SLC7A10: variants seen among roughly 807,000 people sequenced by gnomAD.
SLC7A10 encodes the protein solute carrier family 7 member 10, also known as asc-type amino acid transporter 1.
A neutral mutation model predicts 52.7 loss-of-function variants in SLC7A10; 30 were observed. The observed-to-expected ratio is 0.57, with a 90% confidence interval of 0.43 to 0.77. The LOEUF is 0.77. SLC7A10 is among the 30% of genes least tolerant of loss of function. The pLI is 0.00. For synonymous variants in SLC7A10, 318 were observed against 314.9 expected (o/e 1.01, Z -0.10); for missense variants, 581 against 698.5 (o/e 0.83, Z 1.90).
chr19:33,213,371 C>A (rs1390483787), intron 2 of SLC7A10, among the ~76,000 whole-genome samples: 8 of 151,964 alleles, frequency 5.3e-5, no homozygotes, highest in South Asian at 4.1e-4. Context: ...TCACTGCAAC[C>A]TCCACCTCTC....
intron 2 of SLC7A10, 132 bp from the exon 3 acceptor site, chr19:33,213,134 C>G: frequency 8.2e-7 from 1 of 1,214,412 alleles, no homozygotes; most frequent in Non-Finnish European, 1.2e-6. Flanking sequence ...AGGCCAGCAC[C>G]GGTCCAGGGA....
At position 33,208,829 on chromosome 19, in the gene SLC7A10, A is replaced by C. The variant is rs1974466088; in HGVS notation, c.*62T>G. ...AAAAACAAAACAAAACTTTTTTGCC[A>C]AAACACCTCCTCAATAAACAACATG... On this transcript the variant is annotated 3_prime_UTR_variant, in exon 11 of 11. Transcript: ENST00000253188. This position sits in a 1 kb window ranked among gnomAD's most constrained non-coding sequence, Gnocchi z 4.7. 1.2e-6 allele frequency: 2 copies of C among 1,608,808 alleles called. No individual in the cohort carries two copies. Among genetic ancestry groups the C allele is most frequent in the African/African-American group, 1.3e-5 (1 of 74,808 alleles).
In SLC7A10 at chr19:33,209,393, G is replaced by A. The variant is rs573688927; in HGVS notation, c.1356C>T (p.Gly452=). The A allele has an allele frequency of 1.7e-5, 27 of 1,614,028 alleles. No homozygotes were observed. Among genetic ancestry groups the A allele is most frequent in the South Asian group, 4.4e-5 (4 of 91,070 alleles). Reference sequence around the variant, plus strand: ...GCACCCCCGTAAGGATGATGATGACGCCGACCCCACAGACCATAGGCTCTG... The same window carrying A: ...GCACCCCCGTAAGGATGATGATGACACCGACCCCACAGACCATAGGCTCTG... ...FISEPMVCGV[G]VIIILTGVPI... The change falls in exon 10 of 11, where the codon GGC becomes GGT. Residue 452 remains glycine (G), a synonymous_variant. Transcript: ENST00000253188.
At chr19:33,215,063 C>T (rs1467656731) in intron 2 of SLC7A10, among the ~76,000 whole-genome samples, 1 of 152,026 alleles carries the variant, frequency 6.6e-6, no homozygotes. Flanking sequence ...GTCAGGAGTT[C>T]AAGACCAGCC....
intron 2 of SLC7A10, 127 bp downstream of exon 2, chr19:33,215,642 T>TTCTCTCCATCCACCCCCCCCACCC: frequency 2.1e-6 from 1 of 486,796 alleles, no homozygotes; most frequent in South Asian, 3.9e-5. Context: ...CCCCCACACC[T>TTCTCTCCATCCACCCCCCCCACCC]TCTCTCCATC....
intron 2 of SLC7A10, 126 bp downstream of exon 2, chr19:33,215,643 T>TCTCTCCATCCAGCCCCCACACCTG: frequency 4.9e-6 from 2 of 405,466 alleles, no homozygotes; most frequent in Non-Finnish European, 6.9e-6. Flanking sequence ...CCCCACACCT[T>TCTCTCCATCCAGCCCCCACACCTG]CTCTCCATCC....
At chr19:33,211,169 G>A in intron 7 of SLC7A10, 56 bp downstream of exon 7, 1 of 1,532,282 alleles carries the variant, frequency 6.5e-7, no homozygotes. Context: ...CATGACTGGT[G>A]CACACCTGCA....
At chr19:33,223,943 T>TCACCACCACCACCACCACCACCACCAC (rs80120440) in intron 1 of SLC7A10, among the ~76,000 whole-genome samples, 1 of 147,108 alleles carries the variant, frequency 6.8e-6, no homozygotes, top group South Asian at 2.2e-4. Flanking sequence ...ACCTCTACCA[T>TCACCACCACCACCACCACCACCACCAC]CACCACCACC....
At chr19:33,224,629 C>A (rs1432055782) in intron 1 of SLC7A10, among the ~76,000 whole-genome samples, 3 of 152,074 alleles carry the variant, frequency 2.0e-5, no homozygotes, top group Non-Finnish European at 2.9e-5. Context: ...ACAGTCGAGG[C>A]CCCAGTCACT....
rs755013545 is a variant in SLC7A10, at chr19:33,211,278, G to A, written c.963C>T (p.Ser321=). Residue 321 remains serine, a synonymous_variant, in exon 7 of 11, where the codon TCC becomes TCT. Coordinates refer to ENST00000253188, the MANE Select transcript of SLC7A10 (RefSeq NM_019849.3). The stretch of plus-strand genomic sequence containing the variant: ...TCCCTCCGAAGGTTGACAGAGCCAC[G>A]GAGACAGGCATGACCCAAGAAAAGT... ...LGYFSWVMPV[S]VALSTFGGIN... 39 of 1,614,020 alleles carry A rather than the reference G, an allele frequency of 2.4e-5. No individual in the cohort carries two copies. In the Middle Eastern group the frequency reaches 2.5e-3, roughly 102 times the overall value.
chr19:33,213,172 C>T (rs564200809), intron 2 of SLC7A10, among the ~76,000 whole-genome samples, 170 bp from the exon 3 acceptor site: 15 of 152,300 alleles, frequency 9.8e-5, no homozygotes, highest in Non-Finnish European at 1.8e-4. Context: ...TGAGGTCTTG[C>T]GGCTGCATTG....
At chr19:33,215,602 A>G (rs1974656449) in intron 2 of SLC7A10, among the ~76,000 whole-genome samples, 167 bp downstream of exon 2, 1 of 108,050 alleles carries the variant, frequency 9.3e-6, no homozygotes, top group African/African-American at 3.6e-5. Flanking sequence ...CCTTCTCTCC[A>G]TCCAGCCCCC....
intron 1 of SLC7A10, among the ~76,000 whole-genome samples, chr19:33,218,956 C>T (rs1204206505): frequency 4.0e-5 from 6 of 151,772 alleles, no homozygotes; most frequent in Non-Finnish European, 2.9e-5. Context: ...GAAGCCCAGC[C>T]GTTGGGGGAA....
chr19:33,220,888 A>G (rs530959024), intron 1 of SLC7A10: 2 of 152,232 alleles, frequency 1.3e-5, no homozygotes, highest in Admixed American at 6.5e-5. Flanking sequence ...TTCCATCACA[A>G]ATCCTTCGGC....
chr19:33,220,597 T>TAGAC (rs1974792815), intron 1 of SLC7A10, among the ~76,000 whole-genome samples: 1 of 152,164 alleles, frequency 6.6e-6, no homozygotes, highest in Non-Finnish European at 1.5e-5. Flanking sequence ...GATAGATAGA[T>TAGAC]AGACCTCATC....
chr19:33,215,957 C>T lies in SLC7A10; in HGVS notation c.168G>A (p.Ser56=), dbSNP rs116650022. 1,558 of 1,577,640 alleles carry T rather than the reference C, an allele frequency of 9.9e-4. 7 individuals carry two copies. The highest frequency in any genetic ancestry group is 8.7e-3 in the African/African-American group (644 of 74,252). ...CCCCCTTGGGCGAGATGAAGATGCC[C>T]GAGCCGATGATGTTCCCTGCAGGGG... The part of the protein sequence containing the change: ...CTIIIGNIIG[S]GIFISPKGVL... Residue 56 remains serine, a synonymous_variant, in exon 2 of 11, where the codon TCG becomes TCA. Coordinates refer to ENST00000253188, the MANE Select transcript of SLC7A10 (RefSeq NM_019849.3).
intron 2 of SLC7A10, among the ~76,000 whole-genome samples, 162 bp downstream of exon 2, chr19:33,215,607 G>GCCCCCACACCTTCTCTCCATCCA (rs1555733092): frequency 1.2e-4 from 13 of 110,396 alleles, no homozygotes; most frequent in African/African-American, 1.9e-4. Flanking sequence ...TCTCCATCCA[G>GCCCCCACACCTTCTCTCCATCCA]CCCCCACACC....
chr19:33,224,582 C>T (rs536125470), intron 1 of SLC7A10, among the ~76,000 whole-genome samples: 17 of 152,204 alleles, frequency 1.1e-4, no homozygotes, highest in African/African-American at 3.9e-4. Flanking sequence ...CTCTCACTGG[C>T]AGGGGACCGG....
chr19:33,215,053 G>T (rs1290638777), intron 2 of SLC7A10, among the ~76,000 whole-genome samples: 2 of 152,090 alleles, frequency 1.3e-5, no homozygotes, highest in Non-Finnish European at 2.9e-5. Context: ...ATCACCTGAG[G>T]TCAGGAGTTC....
Sources: gnomAD v4.1 joint callset for allele counts (sites outside exome capture counted in the v4.1 genomes callset) on GRCh38, gnomAD v4.1.1 for gene constraint, Gnocchi (gnomAD v3.1) non-coding constraint, MANE v1.5 for transcripts, NCBI Gene and HGNC (gene_info 2026-07-23, HGNC 2026-07-21) for gene names.